PCGF1: variants seen among roughly 807,000 people sequenced by gnomAD.
PCGF1 encodes polycomb group ring finger 1, also known as polycomb group RING finger protein 1.
A neutral mutation model predicts 38.8 loss-of-function variants in PCGF1; 10 were observed. That is an observed-to-expected ratio of 0.26 (90% CI 0.16 to 0.44). The LOEUF (loss-of-function observed/expected upper bound fraction) is 0.44. PCGF1 is among the 20% of genes least tolerant of loss of function. The pLI is 1.00. For synonymous variants in PCGF1, 119 were observed against 121.3 expected (o/e 0.98, Z 0.12); for missense variants, 230 against 331.5 (o/e 0.69, Z 2.38).
At chr2:74,506,627 A>G in intron 3 of PCGF1, 105 bp downstream of exon 3, 1 of 1,284,630 alleles carries the variant, frequency 7.8e-7, no homozygotes, top group South Asian at 1.2e-5. Context: ...TCCTTCCCTC[A>G]TCTTTGGCCT....
chr2:74,505,849 AAG>A, intron 5 of PCGF1, 79 bp from the exon 6 acceptor site: 1 of 1,606,558 alleles, frequency 6.2e-7, no homozygotes, highest in South Asian at 1.1e-5. Context: ...TACTCTCTTC[AAG>A]GGGATAGGCA....
intron 1 of PCGF1, 144 bp downstream of exon 1, chr2:74,507,432 A>G: frequency 6.8e-7 from 1 of 1,465,060 alleles, no homozygotes; most frequent in Non-Finnish European, 9.0e-7. Context: ...GGAGTTTGGC[A>G]ACCCGATCGC....
intron 7 of PCGF1, 63 bp downstream of exon 7, chr2:74,505,489 G>C (rs1469857876): frequency 1.9e-6 from 3 of 1,609,460 alleles, no homozygotes; most frequent in African/African-American, 2.7e-5. Flanking sequence ...GTCCACCCTA[G>C]ACTCTGTCCC....
chr2:74,506,892 A>C lies in PCGF1; in HGVS notation c.200-8T>G, dbSNP rs775157136. 4.3e-6 allele frequency: 7 copies of C among 1,614,176 alleles called. No individual in the cohort carries two copies. The highest frequency in any genetic ancestry group is 5.9e-6 in the Non-Finnish European group (7 of 1,179,998). On this transcript the variant is annotated splice_region_variant and splice_polypyrimidine_tract_variant and intron_variant, in intron 2 of 8. Transcript: ENST00000233630. The stretch of plus-strand genomic sequence containing the variant: ...CAATACAACTCTTGCAGACTGCAGG[A>C]AAAGAAAAGCAGATTCTCAGGCCCT...
intron 2 of PCGF1, 53 bp downstream of exon 2, chr2:74,506,989 A>C: frequency 6.2e-7 from 1 of 1,603,396 alleles, no homozygotes; most frequent in South Asian, 1.1e-5. Context: ...GCTGGCAGTC[A>C]GCTTGGTGAA....
At position 74,505,084 on chromosome 2, in the gene PCGF1, T is replaced by A. The variant is rs1017491715; in HGVS notation, c.*59A>T. The A allele has an allele frequency of 1.3e-5, 19 of 1,428,398 alleles. No individual in the cohort carries two copies. The highest frequency in any genetic ancestry group is 1.6e-5 in the Non-Finnish European group (17 of 1,081,242). The allele number at this position is 1,428,398 out of a possible 1,614,324, so 88.5% of individuals were successfully genotyped here. ...TTATTTCAAAAAATAAAGCTGCAGT[T>A]CATTTCACATAAATATCTGGGGAGG... On this transcript the variant is annotated 3_prime_UTR_variant, in exon 9 of 9. Coordinates refer to ENST00000233630, the MANE Select transcript of PCGF1 (RefSeq NM_032673.3).
chr2:74,507,379 A>T, intron 1 of PCGF1, 197 bp downstream of exon 1: 5 of 1,451,722 alleles, frequency 3.4e-6, no homozygotes, highest in Middle Eastern at 2.5e-4. Flanking sequence ...TTCCCAGGGG[A>T]GACTACACAA....
At position 74,507,129 on chromosome 2, in the gene PCGF1, T is replaced by C. The variant is rs773146929; in HGVS notation, c.112A>G (p.Ile38Val). The change falls in exon 2 of 9, where the codon ATC becomes GTC. Residue 38 changes from isoleucine to valine, a missense_variant. Physicochemically the swap from Ile to Val is conservative, Grantham distance 29 (BLOSUM62 3). This residue lies in a region of PCGF1 where 40 missense variants were observed against 113.2 expected (regional missense o/e 0.35). Coordinates refer to ENST00000233630, the MANE Select transcript of PCGF1 (RefSeq NM_032673.3). ...ACAATGTGTTCATTCAAGTCTTTGA[T>C]CTTCACTCGAACCTCCTCCTGAAGA... is the stretch of plus-strand genomic sequence containing the variant. ...LRNEEEVRVK[I>V]KDLNEHIVCC... 6.2e-7 allele frequency: 1 copy of C among 1,614,202 alleles called. No individual in the cohort carries two copies. Among genetic ancestry groups the C allele is most frequent in the Non-Finnish European group, 8.5e-7 (1 of 1,180,018 alleles).
intron 6 of PCGF1, 28 bp downstream of exon 6, chr2:74,505,709 G>T: frequency 6.2e-7 from 1 of 1,614,088 alleles, no homozygotes; most frequent in Non-Finnish European, 8.5e-7. Flanking sequence ...AGTCTCCTTA[G>T]AGAGGCCCTC....
rs1197266515 is a variant in PCGF1 at position 74,506,235 on chromosome 2, G to A, written c.370C>T (p.Arg124Trp). The A allele has an allele frequency of 1.2e-6, 2 of 1,613,958 alleles. No individual in the cohort carries two copies. The highest frequency in any genetic ancestry group is 1.7e-6 in the Non-Finnish European group (2 of 1,180,024). Residue 124 changes from arginine to tryptophan, a missense_variant, in exon 4 of 9, where the codon CGG (arginine) becomes TGG (tryptophan). Transcript: ENST00000233630. The stretch of plus-strand genomic sequence containing the variant: ...AAACCTCGGGACTGGTAGAATTCCC[G>A]AATCCGTTTCTCTTCACCTAGAAGA... ...GLQDSEEKRI[R>W]EFYQSRGLDR... is the part of the protein sequence containing the mutation.
chr2:74,505,267 C>T, intron 8 of PCGF1, 72 bp downstream of exon 8: 1 of 1,572,484 alleles, frequency 6.4e-7, no homozygotes, highest in South Asian at 1.2e-5. Context: ...GCCCACCCTT[C>T]CCCTGAGGAC....
rs887345931 is a variant in PCGF1 at position 74,507,397 on chromosome 2, G to T, written c.93+179C>A. The stretch of plus-strand genomic sequence containing the variant: ...CCAGGGGAGACTACACAACGTCGGC[G>T]ACACAACGCGCAGGCGTCCTAACCG... On this transcript the variant is annotated intron_variant, in intron 1 of 8. Coordinates refer to ENST00000233630, the MANE Select transcript of PCGF1 (RefSeq NM_032673.3). The T allele has an allele frequency of 3.4e-6, 5 of 1,453,694 alleles. No individual in the cohort carries two copies. In the African/African-American group the frequency reaches 7.1e-5, roughly 21 times the overall value. The allele number at this position is 1,453,694 out of a possible 1,614,324, so 90.0% of individuals were successfully genotyped here. A position where few individuals can be genotyped will look rare whatever the true frequency, so the allele number is the denominator to read the frequency against.
chr2:74,506,261 A>T lies in PCGF1; in HGVS notation c.353-9T>A. ...AATCCGTTTCTCTTCACCTAGAAGA[A>T]GGTGAAGTATGAGAATAAAGTATTA... On this transcript the variant is annotated splice_polypyrimidine_tract_variant and intron_variant, in intron 3 of 8. Coordinates refer to ENST00000233630, the MANE Select transcript of PCGF1 (RefSeq NM_032673.3). 1 of 1,613,620 alleles carries T rather than the reference A, an allele frequency of 6.2e-7. No individual in the cohort carries two copies. Among genetic ancestry groups the T allele is most frequent in the Non-Finnish European group, 8.5e-7 (1 of 1,179,858 alleles).
chr2:74,505,497 C>T (rs1403369537), intron 7 of PCGF1, 55 bp downstream of exon 7: 3 of 1,610,802 alleles, frequency 1.9e-6, no homozygotes, highest in Non-Finnish European at 2.5e-6. Flanking sequence ...TAGACTCTGT[C>T]CCTCCTTTCT....
At chr2:74,506,576 A>C (rs568090394) in intron 3 of PCGF1, 156 bp downstream of exon 3, 3 of 846,858 alleles carry the variant, frequency 3.5e-6, no homozygotes, top group African/African-American at 3.4e-5. Flanking sequence ...TCTCAAAAAA[A>C]GAAAAAAAAG....
chr2:74,506,326 C>A (rs1310301537), intron 3 of PCGF1, 74 bp from the exon 4 acceptor site: 2 of 1,420,040 alleles, frequency 1.4e-6, no homozygotes, highest in Non-Finnish European at 2.0e-6. Flanking sequence ...GCCTGTAATC[C>A]CAGCACTTTG....
At position 74,505,130 on chromosome 2, in the gene PCGF1, G is replaced by T. The variant is rs1352957113; in HGVS notation, c.*13C>A. 15 of 1,488,220 alleles carry T rather than the reference G, an allele frequency of 1.0e-5. No homozygotes were observed. The highest frequency in any genetic ancestry group is 1.3e-5 in the Non-Finnish European group (15 of 1,117,472). The allele number at this position is 1,488,220 out of a possible 1,614,324, so 92.2% of individuals were successfully genotyped here. A position where few individuals can be genotyped will look rare whatever the true frequency, so the allele number is the denominator to read the frequency against. On this transcript the variant is annotated 3_prime_UTR_variant, in exon 9 of 9. Coordinates refer to ENST00000233630, the MANE Select transcript of PCGF1 (RefSeq NM_032673.3). ...GGAGGGAAGGGGAGTGGGATGGGGT[G>T]GGGGCTTGGCCCCTACCTCCTCTTC...
chr2:74,507,184 C>G, intron 1 of PCGF1, 37 bp from the exon 2 acceptor site: 8 of 1,598,656 alleles, frequency 5.0e-6, no homozygotes, highest in Non-Finnish European at 6.8e-6. Flanking sequence ...CATCCACCCT[C>G]AAACCCCAAC....
Position 74,505,956 on chromosome 2 carries a change from G to C in PCGF1, c.526C>G (p.Leu176Val), listed in dbSNP as rs1295365275. Reference sequence around the variant, plus strand: ...AACCCCTGACCTTCTCCTCACCTCAGCCGCTCCAGGCACAGGTTCAACTGC... The same window carrying C: ...AACCCCTGACCTTCTCCTCACCTCACCCGCTCCAGGCACAGGTTCAACTGC... ...DEQLNLCLER[L>V]SSGKDKNKSV... is the part of the protein sequence containing the mutation. The change falls in exon 5 of 9, where the codon CTG (leucine) becomes GTG (valine). Residue 176 changes from leucine (L) to valine (V), a missense_variant. By Grantham distance (32) the Leu-to-Val change is conservative. Coordinates refer to ENST00000233630, the MANE Select transcript of PCGF1 (RefSeq NM_032673.3). The C allele has an allele frequency of 6.2e-7, 1 of 1,614,032 alleles. No individual in the cohort carries two copies. The highest frequency in any genetic ancestry group is 1.1e-5 in the South Asian group (1 of 91,078).
Sources: gnomAD v4.1 joint callset for allele counts on GRCh38, gnomAD v4.1.1 for gene constraint, gnomAD v4.1.1 regional missense constraint, MANE v1.5 for transcripts, NCBI Gene and HGNC (gene_info 2026-07-23, HGNC 2026-07-21) for gene names.